Variants in IGF1R observed in about 807,000 individuals in gnomAD.
The protein encoded by IGF1R is insulin-like growth factor 1 receptor.
IGF1R carries 44 observed loss-of-function variants against 144.6 expected under a neutral mutation model. The observed-to-expected ratio is 0.30, with a 90% confidence interval of 0.24 to 0.39. The LOEUF (loss-of-function observed/expected upper bound fraction) is 0.39. IGF1R is among the 10% of genes least tolerant of loss of function. The pLI is 1.00. For synonymous variants in IGF1R, 795 were observed against 722.8 expected (o/e 1.10, Z -1.60); for missense variants, 1,355 against 1,833.7 (o/e 0.74, Z 4.77).
rs1466894922 is a variant in IGF1R, at chr15:98,957,241, G to T, written c.3903G>T (p.Glu1301Asp). ...EELDLEPENM[E>D]SVPLDPSASS... ...TGGACCTGGAGCCAGAGAACATGGAGAGCGTCCCCCTGGACCCCTCGGCCT... is the reference window on the plus strand; with the variant it reads ...TGGACCTGGAGCCAGAGAACATGGATAGCGTCCCCCTGGACCCCTCGGCCT... Residue 1301 changes from glutamate (E) to aspartate (D), a missense_variant, in exon 21 of 21, where the codon GAG becomes GAT. Glu to Asp is a conservative substitution (Grantham distance 45). Coordinates refer to ENST00000650285, the MANE Select transcript of IGF1R (RefSeq NM_000875.5). 3 of 1,614,128 alleles carry T rather than the reference G, an allele frequency of 1.9e-6. No individual in the cohort carries two copies. The highest frequency in any genetic ancestry group is 2.5e-6 in the Non-Finnish European group (3 of 1,180,062).
intron 1 of IGF1R, among the ~76,000 whole-genome samples, chr15:98,666,675 A>G (rs1364894071): frequency 1.3e-5 from 2 of 152,178 alleles, no homozygotes; most frequent in African/African-American, 4.8e-5. Flanking sequence ...TACGTGAGCT[A>G]TGTAGAGTAG....
At chr15:98,658,034 C>T (rs1272067880) in intron 1 of IGF1R, among the ~76,000 whole-genome samples, 1 of 152,148 alleles carries the variant, frequency 6.6e-6, no homozygotes, top group Non-Finnish European at 1.5e-5. Flanking sequence ...TCAGAACGTG[C>T]CTCTTGTGGT....
chr15:98,791,562 T>C (rs2056127661), intron 2 of IGF1R, among the ~76,000 whole-genome samples: 1 of 152,182 alleles, frequency 6.6e-6, no homozygotes, highest in Admixed American at 6.5e-5. Context: ...AAAGTCCTTA[T>C]ACCATCTGAA....
chr15:98,677,426 C>G (rs1045246259), intron 1 of IGF1R, among the ~76,000 whole-genome samples: 2 of 152,154 alleles, frequency 1.3e-5, no homozygotes, highest in African/African-American at 4.8e-5. Context: ...CTCCATTTTT[C>G]TGGTACATAA....
At chr15:98,681,133 C>T (rs763503517) in intron 1 of IGF1R, among the ~76,000 whole-genome samples, 37 of 152,252 alleles carry the variant, frequency 2.4e-4, no homozygotes, top group Non-Finnish European at 2.9e-4. Flanking sequence ...TAGAATGCAT[C>T]CCTGTCATTA....
intron 2 of IGF1R, chr15:98,824,256 G>A (rs936710053): frequency 2.6e-5 from 4 of 152,126 alleles, no homozygotes; most frequent in African/African-American, 4.8e-5. Flanking sequence ...AGTATTGAAC[G>A]GCTCACATAA....
intron 7 of IGF1R, among the ~76,000 whole-genome samples, chr15:98,911,984 T>C (rs1596439815): frequency 6.6e-6 from 1 of 152,194 alleles, no homozygotes; most frequent in African/African-American, 2.4e-5. Context: ...TCTTGAGCCT[T>C]TTGTGACTTC....
intron 18 of IGF1R, 103 bp downstream of exon 18, chr15:98,939,463 T>A: frequency 9.3e-7 from 1 of 1,072,178 alleles, no homozygotes; most frequent in Non-Finnish European, 1.5e-6. Context: ...AGTGTGTCCC[T>A]TGAGTGCACG....
rs1013557933 is a variant in IGF1R, at chr15:98,959,733, A to G, written c.*2291A>G. On this transcript the variant is annotated 3_prime_UTR_variant, in exon 21 of 21. Coordinates refer to ENST00000650285, the MANE Select transcript of IGF1R (RefSeq NM_000875.5). ...TTAGGAGTAAGAACAAAGCTGGGAT[A>G]CGGTGATTGCTAGTTGTGACTGAAG... is the stretch of plus-strand genomic sequence containing the variant. 8.6e-6 allele frequency: 2 copies of G among 233,476 alleles called. No homozygotes were observed. The highest frequency in any genetic ancestry group is 4.4e-5 in the African/African-American group (2 of 45,346). The allele number at this position is 233,476 out of a possible 1,614,324, so 14.5% of individuals were successfully genotyped here.
chr15:98,913,564 A>G (rs1195041573), intron 8 of IGF1R, among the ~76,000 whole-genome samples: 2 of 152,186 alleles, frequency 1.3e-5, no homozygotes, highest in Admixed American at 6.5e-5. Context: ...CCAGCCTGGA[A>G]ACAGCCGTCT....
intron 2 of IGF1R, among the ~76,000 whole-genome samples, chr15:98,710,355 G>C (rs1055431850): frequency 7.9e-5 from 12 of 152,146 alleles, no homozygotes; most frequent in African/African-American, 2.7e-4. Flanking sequence ...ATATTTCTTG[G>C]AGATTTTCTA....
At chr15:98,892,858 T>TA (rs968066066) in intron 3 of IGF1R, among the ~76,000 whole-genome samples, 3 of 151,496 alleles carry the variant, frequency 2.0e-5, no homozygotes, top group Non-Finnish European at 4.4e-5. Context: ...TACAAAAGAT[T>TA]AAAAAAAAAT....
At chr15:98,715,992 G>A (rs747019984) in intron 2 of IGF1R, among the ~76,000 whole-genome samples, 2 of 152,176 alleles carry the variant, frequency 1.3e-5, no homozygotes, top group African/African-American at 2.4e-5. Flanking sequence ...TGCTTTCCTC[G>A]AAGAAGTTCA....
chr15:98,707,991 CAAAGGAA>C lies in IGF1R; in HGVS notation c.525_531del (p.Lys176ValfsTer72), dbSNP rs1329548258. 6.2e-7 allele frequency: 1 copy of C among 1,614,114 alleles called. No homozygotes were observed. Among genetic ancestry groups the C allele is most frequent in the Non-Finnish European group, 8.5e-7 (1 of 1,180,010 alleles). ...AACTACATTGTGGGGAATAAGCCCCCAAAGGAATGTGGGGACCTGTGTCCAGGGACCA... is the reference window on the plus strand; with the variant it reads ...AACTACATTGTGGGGAATAAGCCCCCTGTGGGGACCTGTGTCCAGGGACCA... On this transcript the variant is annotated frameshift_variant, in exon 2 of 21. Transcript: ENST00000650285. LOFTEE classifies it high-confidence loss of function. This position sits in a 1 kb window ranked among gnomAD's most constrained non-coding sequence, Gnocchi z 6.7.
At position 98,707,378 on chromosome 15, in the gene IGF1R, G is replaced by A. The variant is rs909500261; in HGVS notation, c.95-184G>A. The stretch of plus-strand genomic sequence containing the variant: ...GGTCCAGTGTTGGCACTGTATAAAT[G>A]CCAGCTAACTGGTTAGCCACCTAAA... On this transcript the variant is annotated intron_variant, in intron 1 of 20. Transcript: ENST00000650285. The surrounding 1 kb of genome is among the most constrained non-coding windows in gnomAD (Gnocchi z 6.7). 6.6e-6 allele frequency among the ~76,000 whole-genome samples: 1 copy of A among 152,188 alleles called. No individual in the cohort carries two copies. The highest frequency in any genetic ancestry group is 2.4e-5 in the African/African-American group (1 of 41,430).
intron 1 of IGF1R, among the ~76,000 whole-genome samples, chr15:98,674,157 A>G (rs1318479040): frequency 3.9e-5 from 6 of 152,224 alleles, no homozygotes; most frequent in Non-Finnish European, 8.8e-5. Context: ...ACTACTATAC[A>G]GGAAATCTGA....
intron 2 of IGF1R, among the ~76,000 whole-genome samples, chr15:98,765,383 A>G (rs2141361072): frequency 7.7e-6 from 1 of 129,836 alleles, no homozygotes; most frequent in Non-Finnish European, 1.5e-5. Context: ...GTCTTGGTTC[A>G]CTGCAACCTC....
intron 2 of IGF1R, among the ~76,000 whole-genome samples, chr15:98,719,187 C>T (rs1330621660): frequency 6.6e-6 from 1 of 152,152 alleles, no homozygotes; most frequent in Non-Finnish European, 1.5e-5. Flanking sequence ...AGGTTTTAAG[C>T]AGGATTGCAG....
chr15:98,867,619 A>G (rs1413150548), intron 2 of IGF1R, among the ~76,000 whole-genome samples: 2 of 152,094 alleles, frequency 1.3e-5, no homozygotes, highest in Non-Finnish European at 2.9e-5. Context: ...ACATCTCATC[A>G]CCTGCATCTG....
Sources: gnomAD v4.1 joint callset for allele counts (sites outside exome capture counted in the v4.1 genomes callset) on GRCh38, gnomAD v4.1.1 for gene constraint, Gnocchi (gnomAD v3.1) non-coding constraint, MANE v1.5 for transcripts, NCBI Gene and HGNC (gene_info 2026-07-23, HGNC 2026-07-21) for gene names.